SLC17A2: variants seen among roughly 807,000 people sequenced by gnomAD.
The protein encoded by SLC17A2 is solute carrier family 17 member 2.
SLC17A2 carries 38 observed loss-of-function variants against 52.1 expected under a neutral mutation model. The ratio of observed to expected loss-of-function variants is 0.73; its 90% CI spans 0.56 to 0.96. The LOEUF (loss-of-function observed/expected upper bound fraction) is 0.96, where lower values mean the gene tolerates loss of function less well. Among genes scored for constraint, SLC17A2 ranks in the 40% least tolerant of loss-of-function variants. The probability of loss-of-function intolerance (pLI) is 0.00; values close to 1 mark genes in which losing one functional copy is unlikely to be tolerated. For missense variants in SLC17A2, 508 were observed against 583.9 expected (o/e 0.87, Z 1.34); for synonymous variants, 226 against 211.9 (o/e 1.07, Z -0.58).
At position 25,925,802 on chromosome 6, in the gene SLC17A2, T is replaced by G. The variant is rs2151558348; in HGVS notation, c.-6A>C. The G allele has an allele frequency of 6.2e-7, 1 of 1,614,146 alleles. No individual in the cohort carries two copies. The highest frequency in any genetic ancestry group is 8.5e-7 in the Non-Finnish European group (1 of 1,179,950). On this transcript the variant is annotated 5_prime_UTR_variant, in exon 2 of 12. Coordinates refer to ENST00000377850, the MANE Select transcript of SLC17A2 (RefSeq NM_001286123.3). Reference sequence around the variant, plus strand: ...GTGGCAGGCTTCCCGTCCATTTAGCTTCTGTGGGAAATGGTACCACGCTTT... The same window carrying G: ...GTGGCAGGCTTCCCGTCCATTTAGCGTCTGTGGGAAATGGTACCACGCTTT...
intron 2 of SLC17A2, among the ~76,000 whole-genome samples, chr6:25,924,160 A>G (rs186886286): frequency 6.6e-5 from 10 of 152,312 alleles, no homozygotes; most frequent in Admixed American, 3.9e-4. Context: ...CACATGATAA[A>G]TAGAGAAAAC....
At chr6:25,914,433 T>A in intron 11 of SLC17A2, 147 bp downstream of exon 11, 1 of 621,642 alleles carries the variant, frequency 1.6e-6, no homozygotes, top group Non-Finnish European at 2.9e-6. Context: ...TTTCTTCCTC[T>A]GGGAAATCTG....
At chr6:25,926,300 C>T (rs1766762118) in intron 1 of SLC17A2, among the ~76,000 whole-genome samples, 1 of 152,124 alleles carries the variant, frequency 6.6e-6, no homozygotes, top group Non-Finnish European at 1.5e-5. Flanking sequence ...AGCGGTCTTT[C>T]CTTTCATTCT....
intron 2 of SLC17A2, among the ~76,000 whole-genome samples, chr6:25,924,628 G>A (rs1051269784): frequency 6.6e-6 from 1 of 151,932 alleles, no homozygotes; most frequent in African/African-American, 2.4e-5. Flanking sequence ...GGTCAACATG[G>A]TGAAACCCCA....
At position 25,916,853 on chromosome 6, in the gene SLC17A2, A is replaced by G. The variant is rs1165221774; in HGVS notation, c.769-7T>C. The G allele has an allele frequency of 6.2e-7, 1 of 1,613,974 alleles. No homozygotes were observed. The highest frequency in any genetic ancestry group is 8.5e-7 in the Non-Finnish European group (1 of 1,180,020). On this transcript the variant is annotated splice_region_variant and splice_polypyrimidine_tract_variant and intron_variant, in intron 7 of 11. Transcript: ENST00000377850. Reference sequence around the variant, plus strand: ...CTCGTCCAGGAGAACTGGGCTGAAAAGAAAGATCTAATCAGCATGAGTATT... The same window carrying G: ...CTCGTCCAGGAGAACTGGGCTGAAAGGAAAGATCTAATCAGCATGAGTATT...
chr6:25,928,036 T>C (rs1766824913), intron 1 of SLC17A2, among the ~76,000 whole-genome samples: 2 of 152,112 alleles, frequency 1.3e-5, no homozygotes, highest in African/African-American at 4.8e-5. Flanking sequence ...CTTAAAGCTT[T>C]CCCACCAACT....
intron 1 of SLC17A2, among the ~76,000 whole-genome samples, chr6:25,928,364 A>T: frequency 6.6e-6 from 1 of 152,172 alleles, no homozygotes; most frequent in East Asian, 1.9e-4. Context: ...AAGTTTGATA[A>T]TGAAAAATAC....
Position 25,912,932 on chromosome 6 carries a change from T to C in SLC17A2, c.*385A>G, listed in dbSNP as rs962975138. On this transcript the variant is annotated 3_prime_UTR_variant, in exon 12 of 12. Transcript: ENST00000377850. ...CCGAGCAGATCTTCTCTGCATCCAA[T>C]AACCTGCCCCACCATGAAGATATTT... is the stretch of plus-strand genomic sequence containing the variant. 5.8e-6 allele frequency: 1 copy of C among 171,836 alleles called. No homozygotes were observed. Among genetic ancestry groups the C allele is most frequent in the Non-Finnish European group, 1.3e-5 (1 of 79,638 alleles). 10.6% of individuals were successfully genotyped at this position (171,836 alleles called of 1,614,324 possible).
intron 4 of SLC17A2, 22 bp from the exon 5 acceptor site, chr6:25,921,115 C>T: frequency 6.2e-7 from 1 of 1,613,692 alleles, no homozygotes; most frequent in Non-Finnish European, 8.5e-7. Flanking sequence ...ATCATTAAGA[C>T]CTTTGATATT....
At chr6:25,914,083 G>A (rs1766207713) in intron 11 of SLC17A2, among the ~76,000 whole-genome samples, 1 of 152,098 alleles carries the variant, frequency 6.6e-6, no homozygotes. Context: ...TCTTCCTCAT[G>A]AGCCTGCATT....
chr6:25,922,045 AT>A (rs1448007952), intron 3 of SLC17A2, among the ~76,000 whole-genome samples: 2 of 151,210 alleles, frequency 1.3e-5, no homozygotes, highest in African/African-American at 4.8e-5. Context: ...TAAATAAAAA[AT>A]AAAATAGATT....
At chr6:25,921,754 T>C (rs1045764935) in intron 3 of SLC17A2, among the ~76,000 whole-genome samples, 9 of 152,148 alleles carry the variant, frequency 5.9e-5, no homozygotes, top group African/African-American at 2.2e-4. Context: ...TCTTGACTCT[T>C]ATATCAAAGA....
chr6:25,925,010 A>G (rs1766706549), intron 2 of SLC17A2, among the ~76,000 whole-genome samples: 1 of 152,188 alleles, frequency 6.6e-6, no homozygotes, highest in African/African-American at 2.4e-5. Context: ...GAAGAAAAGC[A>G]CTAAAGTGAA....
intron 3 of SLC17A2, 51 bp from the exon 4 acceptor site, chr6:25,921,463 C>A (rs1242771621): frequency 4.4e-6 from 6 of 1,353,356 alleles, no homozygotes; most frequent in South Asian, 1.2e-5. Context: ...TTATGAAAAT[C>A]TACTTTACAG....
At chr6:25,924,150 C>T (rs1766667045) in intron 2 of SLC17A2, among the ~76,000 whole-genome samples, 1 of 152,120 alleles carries the variant, frequency 6.6e-6, no homozygotes, top group Non-Finnish European at 1.5e-5. Context: ...GGATAGGAAA[C>T]ACATGATAAA....
chr6:25,925,627 A>G, intron 2 of SLC17A2, 142 bp downstream of exon 2: 3 of 808,078 alleles, frequency 3.7e-6, no homozygotes, highest in Admixed American at 1.8e-5. Context: ...GGAAAAAGCA[A>G]CAGGATCAGG....
chr6:25,915,516 G>T lies in SLC17A2; in HGVS notation c.1194C>A (p.Thr398=). Residue 398 remains threonine, a synonymous_variant, in exon 10 of 12, where the codon ACC becomes ACA. Transcript: ENST00000377850. Reference sequence around the variant, plus strand: ...GCTCTTACCTGGGGGCGATATCTAAGGTGTTGATGATAAACCCTGAGTCAC... The same window carrying T: ...GCTCTTACCTGGGGGCGATATCTAATGTGTTGATGATAAACCCTGAGTCAC... ...NLCDSGFIIN[T]LDIAPRYASF... is the part of the protein sequence containing the mutation. The T allele has an allele frequency of 6.4e-7, 1 of 1,555,038 alleles. No individual in the cohort carries two copies.
chr6:25,926,336 C>T (rs1766764153), intron 1 of SLC17A2, among the ~76,000 whole-genome samples: 1 of 152,150 alleles, frequency 6.6e-6, no homozygotes. Flanking sequence ...CCCTCTGTAC[C>T]ACCAGAACAA....
intron 6 of SLC17A2, 57 bp from the exon 7 acceptor site, chr6:25,917,144 G>T: frequency 7.7e-7 from 1 of 1,293,052 alleles, no homozygotes; most frequent in Non-Finnish European, 1.1e-6. Flanking sequence ...GGGGAAGGAA[G>T]TTTCCTCTGA....
Sources: allele counts gnomAD v4.1 joint callset (sites outside exome capture counted in the v4.1 genomes callset), GRCh38; gene constraint gnomAD v4.1.1; transcripts MANE v1.5; gene names NCBI Gene and HGNC (gene_info 2026-07-23, HGNC 2026-07-21).